The following CSMD1 variants were observed in gnomAD, a reference collection of about 807,000 sequenced individuals.
The protein encoded by CSMD1 is CUB and Sushi multiple domains 1, also known as CUB and sushi domain-containing protein 1.
CSMD1 carries 213 observed loss-of-function variants against 417.5 expected under a neutral mutation model. That is an observed-to-expected ratio of 0.51 (90% CI 0.46 to 0.57). CSMD1 has a LOEUF of 0.57. Ranked by LOEUF, CSMD1 falls within the 20% of genes least tolerant of loss-of-function variation. The pLI is 0.00. For synonymous variants in CSMD1, 2,862 were observed against 1,736.8 expected, an observed-to-expected ratio of 1.65 and a Z score of -16.11; for missense variants, 6,923 against 4,529.7, an observed-to-expected ratio of 1.53 and a Z score of -15.17.
At position 4,806,683 on chromosome 8, in the gene CSMD1, A is replaced by G. The variant is rs370953364; in HGVS notation, c.86-169125T>C. ...AAAGAAGCATTTGAACCATGGTCGC[A>G]GTGCCTGTGAGTTTCATGTAGAGTA... is the stretch of plus-strand genomic sequence containing the variant. On this transcript the variant is annotated intron_variant, in intron 1 of 69. Coordinates refer to ENST00000635120, the MANE Select transcript of CSMD1 (RefSeq NM_033225.6). Among the ~76,000 whole-genome samples the G allele has an allele frequency of 6.6e-5, 10 of 152,356 alleles. No individual in the cohort carries two copies. In the East Asian group the frequency reaches 1.3e-3, roughly 21 times the overall value.
At chr8:3,726,392 A>G (rs1034574586) in intron 6 of CSMD1, among the ~76,000 whole-genome samples, 1 of 152,230 alleles carries the variant, frequency 6.6e-6, no homozygotes, top group African/African-American at 2.4e-5. Context: ...AGGCTATAAT[A>G]TAAGTCTCTA....
At chr8:4,883,423 C>T (rs1468919286) in intron 1 of CSMD1, among the ~76,000 whole-genome samples, 4 of 152,038 alleles carry the variant, frequency 2.6e-5, no homozygotes, top group African/African-American at 9.7e-5. Flanking sequence ...CATCACCACT[C>T]TCTCATTTTG....
intron 3 of CSMD1, among the ~76,000 whole-genome samples, chr8:4,097,905 G>T (rs1801105688): frequency 6.6e-6 from 1 of 152,104 alleles, no homozygotes. Context: ...TGAACATTTG[G>T]AAGAAAAAGA....
intron 4 of CSMD1, among the ~76,000 whole-genome samples, chr8:4,021,028 G>A (rs563955334): frequency 7.9e-5 from 12 of 152,224 alleles, no homozygotes; most frequent in East Asian, 5.8e-4. Flanking sequence ...ACCCTACAAC[G>A]TAAGTGAGAA....
chr8:4,978,070 G>A (rs1368786982), intron 1 of CSMD1, among the ~76,000 whole-genome samples: 1 of 152,310 alleles, frequency 6.6e-6, no homozygotes, highest in East Asian at 1.9e-4. Flanking sequence ...ACCTGACTTT[G>A]AGAAGTGTGT....
At chr8:4,609,274 G>A (rs1237889301) in intron 2 of CSMD1, among the ~76,000 whole-genome samples, 1 of 152,156 alleles carries the variant, frequency 6.6e-6, no homozygotes, top group Non-Finnish European at 1.5e-5. Flanking sequence ...GCTGGTGTGT[G>A]CCTTTGGTCC....
At chr8:3,304,274 TAGGTA>T (rs903290039) in intron 25 of CSMD1, among the ~76,000 whole-genome samples, 1 of 152,190 alleles carries the variant, frequency 6.6e-6, no homozygotes, top group African/African-American at 2.4e-5. Context: ...GTTAACATTG[TAGGTA>T]ATACAGACTA....
chr8:4,959,813 C>G (rs867267798), intron 1 of CSMD1, among the ~76,000 whole-genome samples: 1 of 152,206 alleles, frequency 6.6e-6, no homozygotes, highest in Admixed American at 6.5e-5. Context: ...TCCCAGATAT[C>G]CACATAGCTA....
intron 20 of CSMD1, among the ~76,000 whole-genome samples, chr8:3,361,194 T>G (rs1196346972): frequency 6.6e-6 from 1 of 152,250 alleles, no homozygotes; most frequent in East Asian, 1.9e-4. Context: ...ATCATACGTT[T>G]ACTTTTTAGA....
rs568568743 is a variant in CSMD1 at position 3,056,404 on chromosome 8, G to C, written c.7475-3757C>G. On this transcript the variant is annotated intron_variant, in intron 49 of 69. Coordinates refer to ENST00000635120, the MANE Select transcript of CSMD1 (RefSeq NM_033225.6). ...TTTCTTTTTGAGACAAGGTCTCGCT[G>C]TCACTCAGGCTGCAGTGCAGTGGCA... is the stretch of plus-strand genomic sequence containing the variant. Among the ~76,000 whole-genome samples, 15 of 152,226 alleles carry C rather than the reference G, an allele frequency of 9.9e-5. No individual in the cohort carries two copies. The South Asian group carries it at 3.1e-3, about 32-fold the overall frequency.
chr8:3,191,197 G>T (rs1352639353), intron 33 of CSMD1, among the ~76,000 whole-genome samples: 1 of 152,232 alleles, frequency 6.6e-6, no homozygotes. Context: ...GCGCAAGCCT[G>T]TAATCCCAGC....
intron 3 of CSMD1, among the ~76,000 whole-genome samples, chr8:4,388,480 C>T (rs973618653): frequency 2.0e-5 from 3 of 150,584 alleles, no homozygotes; most frequent in East Asian, 2.0e-4. Context: ...TATGTTCTCA[C>T]TGATATGTGG....
At chr8:4,841,934 A>AAAAAACAAAACAAAC (rs1800867552) in intron 1 of CSMD1, among the ~76,000 whole-genome samples, 1 of 145,546 alleles carries the variant, frequency 6.9e-6, no homozygotes, top group African/African-American at 2.5e-5. Flanking sequence ...AAAAAAAAAA[A>AAAAAACAAAACAAAC]AAAAGTTCAG....
intron 3 of CSMD1, among the ~76,000 whole-genome samples, chr8:4,153,266 A>C (rs986399568): frequency 6.6e-6 from 1 of 152,196 alleles, no homozygotes; most frequent in African/African-American, 2.4e-5. Context: ...TACGGCTATA[A>C]AGACAGAGTG....
chr8:4,439,078 A>C (rs555733147), intron 2 of CSMD1, among the ~76,000 whole-genome samples: 5 of 152,226 alleles, frequency 3.3e-5, no homozygotes, highest in Admixed American at 6.5e-5. Context: ...GCGCCATCCT[A>C]TTTCATCTGT....
chr8:3,719,400 T>C (rs1040291067), intron 6 of CSMD1, among the ~76,000 whole-genome samples: 3 of 152,180 alleles, frequency 2.0e-5, no homozygotes, highest in African/African-American at 7.2e-5. Flanking sequence ...TTGAATTAAC[T>C]ACCCTAAAAG....
intron 1 of CSMD1, among the ~76,000 whole-genome samples, chr8:4,708,090 T>A (rs992490854): frequency 1.3e-5 from 2 of 151,792 alleles, no homozygotes; most frequent in South Asian, 2.1e-4. Context: ...AGAACAGGCA[T>A]CTGCCAATAC....
intron 11 of CSMD1, among the ~76,000 whole-genome samples, chr8:3,481,891 G>A (rs1817768794): frequency 6.6e-6 from 1 of 152,156 alleles, no homozygotes; most frequent in Admixed American, 6.5e-5. Flanking sequence ...TTCCAGAACT[G>A]AGAGTACAAA....
At chr8:4,008,607 T>TC (rs1563312958) in intron 4 of CSMD1, among the ~76,000 whole-genome samples, 5 of 127,842 alleles carry the variant, frequency 3.9e-5, no homozygotes, top group East Asian at 2.2e-4. Flanking sequence ...TTTCTTTTTT[T>TC]TTTTTTTTTT....
Sources: gnomAD v4.1 joint callset for allele counts (sites outside exome capture counted in the v4.1 genomes callset) on GRCh38, gnomAD v4.1.1 for gene constraint, MANE v1.5 for transcripts, NCBI Gene and HGNC (gene_info 2026-07-23, HGNC 2026-07-21) for gene names.